CEP85L: variants seen among roughly 807,000 people sequenced by gnomAD.
CEP85L encodes the protein centrosomal protein of 85 kDa-like.
Under a neutral mutation model 100.3 loss-of-function variants are expected in CEP85L, and 60 were observed. The ratio of observed to expected loss-of-function variants is 0.60; its 90% CI spans 0.49 to 0.74. CEP85L has a LOEUF of 0.74. CEP85L is among the 30% of genes least tolerant of loss of function. CEP85L has a pLI of 0.00. For missense variants in CEP85L, 973 were observed against 936.2 expected, an observed-to-expected ratio of 1.04 and a Z score of -0.51; for synonymous variants, 319 against 322.7, an observed-to-expected ratio of 0.99 and a Z score of 0.12.
At chr6:118,517,061 G>GT (rs1304560484) in intron 4 of CEP85L, among the ~76,000 whole-genome samples, 9 of 152,262 alleles carry the variant, frequency 5.9e-5, no homozygotes, top group Non-Finnish European at 4.4e-5. Flanking sequence ...GGTTGCAGGT[G>GT]TATGATGTTA....
intron 1 of CEP85L, 139 bp downstream of exon 1, chr6:118,651,058 G>T: frequency 1.5e-6 from 2 of 1,291,190 alleles, no homozygotes; most frequent in Non-Finnish European, 2.0e-6. Context: ...CAGCGGGGAG[G>T]ACACTGGGCA....
intron 1 of CEP85L, among the ~76,000 whole-genome samples, chr6:118,709,477 G>A (rs1777711055): frequency 6.7e-6 from 1 of 149,444 alleles, no homozygotes; most frequent in Admixed American, 6.7e-5. Context: ...AGCAGCTAGA[G>A]CTCCTCTCCC....
At chr6:118,636,518 C>T (rs1200359638) in intron 1 of CEP85L, among the ~76,000 whole-genome samples, 1 of 152,180 alleles carries the variant, frequency 6.6e-6, no homozygotes, top group East Asian at 1.9e-4. Context: ...CTTGACTGGA[C>T]CATGGGGTGC....
chr6:118,495,201 G>A (rs13219555), intron 5 of CEP85L, among the ~76,000 whole-genome samples: 72,142 of 151,804 alleles, frequency 0.48, 17,527 homozygotes, highest in Middle Eastern at 0.58. Flanking sequence ...GGTTAATGCT[G>A]GAATGAGTTA....
intron 1 of CEP85L, among the ~76,000 whole-genome samples, chr6:118,676,005 A>T (rs1776470149): frequency 6.6e-6 from 1 of 152,216 alleles, no homozygotes; most frequent in Non-Finnish European, 1.5e-5. Context: ...GTTAAGATCC[A>T]ATCAGGTGAA....
intron 3 of CEP85L, among the ~76,000 whole-genome samples, chr6:118,532,359 G>T (rs1293091831): frequency 2.6e-5 from 4 of 152,022 alleles, no homozygotes; most frequent in Non-Finnish European, 5.9e-5. Context: ...TACTTGATGA[G>T]GGGGGCGGGT....
At chr6:118,677,586 T>G (rs1409717072) in intron 1 of CEP85L, among the ~76,000 whole-genome samples, 1 of 152,222 alleles carries the variant, frequency 6.6e-6, no homozygotes, top group Non-Finnish European at 1.5e-5. Context: ...CAATACATGT[T>G]TTCCACTGTC....
At chr6:118,599,363 T>G (rs945798204) in intron 2 of CEP85L, among the ~76,000 whole-genome samples, 10 of 151,816 alleles carry the variant, frequency 6.6e-5, no homozygotes, top group Non-Finnish European at 1.5e-4. Flanking sequence ...ATGGCAAAAT[T>G]TGAACAACAA....
chr6:118,602,257 A>C (rs994593164), intron 2 of CEP85L, among the ~76,000 whole-genome samples: 1 of 152,204 alleles, frequency 6.6e-6, no homozygotes, highest in Non-Finnish European at 1.5e-5. Context: ...TTTCAACAGA[A>C]GGTAAATGTT....
At position 118,566,463 on chromosome 6, in the gene CEP85L, G is replaced by A. The variant is rs1261548037; in HGVS notation, c.233-147C>T. 2.6e-5 allele frequency: 19 copies of A among 720,198 alleles called. No individual in the cohort carries two copies. The East Asian group carries it at 5.1e-4, about 19-fold the overall frequency. The allele number at this position is 720,198 out of a possible 1,614,324, so 44.6% of individuals were successfully genotyped here. On this transcript the variant is annotated intron_variant, in intron 2 of 12. Coordinates refer to ENST00000368491, the MANE Select transcript of CEP85L (RefSeq NM_001042475.3). ...GACGTAGTTTTAGCTTGTTGCCTAG[G>A]CTGGAGTGCAGTGGCAAGATCTCGG...
At chr6:118,474,790 A>G (rs1773226656) in intron 10 of CEP85L, among the ~76,000 whole-genome samples, 1 of 152,188 alleles carries the variant, frequency 6.6e-6, no homozygotes, top group South Asian at 2.1e-4. Flanking sequence ...CAGTGTGATG[A>G]CAAAGCCTTA....
chr6:118,617,390 A>G (rs1465573000), intron 2 of CEP85L, among the ~76,000 whole-genome samples: 1 of 152,204 alleles, frequency 6.6e-6, no homozygotes, highest in African/African-American at 2.4e-5. Context: ...GGCCTTATCT[A>G]TCCTCCCAAT....
At chr6:118,618,174 G>T (rs187132303) in intron 2 of CEP85L, among the ~76,000 whole-genome samples, 43 of 152,284 alleles carry the variant, frequency 2.8e-4, no homozygotes, top group African/African-American at 1.0e-3. Flanking sequence ...CACAGCATGG[G>T]TTACTAAGCG....
chr6:118,596,834 AT>A (rs1781480940), intron 2 of CEP85L, among the ~76,000 whole-genome samples: 1 of 152,064 alleles, frequency 6.6e-6, no homozygotes. Flanking sequence ...TCTTATTTTT[AT>A]CCACCATTCC....
At chr6:118,496,512 G>C (rs184240742) in intron 5 of CEP85L, among the ~76,000 whole-genome samples, 17 of 152,158 alleles carry the variant, frequency 1.1e-4, no homozygotes, top group African/African-American at 4.1e-4. Flanking sequence ...GCGCCACCAA[G>C]CCCGGCTAAT....
chr6:118,483,391 G>A (rs964571804), intron 7 of CEP85L, among the ~76,000 whole-genome samples: 1 of 152,124 alleles, frequency 6.6e-6, no homozygotes, highest in African/African-American at 2.4e-5. Context: ...GAATCCTAGA[G>A]ACTGTGTTGG....
At chr6:118,688,089 G>A (rs1376962504) in intron 1 of CEP85L, among the ~76,000 whole-genome samples, 1 of 152,052 alleles carries the variant, frequency 6.6e-6, no homozygotes, top group Non-Finnish European at 1.5e-5. Flanking sequence ...GCGGCCCGTC[G>A]CCATCTTGGA....
At chr6:118,483,896 G>A in intron 6 of CEP85L, 38 bp from the exon 7 acceptor site, 1 of 1,581,150 alleles carries the variant, frequency 6.3e-7, no homozygotes, top group Non-Finnish European at 8.6e-7. Context: ...GTAGTTTTCA[G>A]TCATTAAAAG....
intron 3 of CEP85L, chr6:118,559,049 T>G: frequency 1.2e-6 from 2 of 1,611,786 alleles, no homozygotes; most frequent in Non-Finnish European, 1.7e-6. Context: ...ATATGTCTCT[T>G]GCTGATCTGT....
Sources: gnomAD v4.1 joint callset for allele counts (sites outside exome capture counted in the v4.1 genomes callset) on GRCh38, gnomAD v4.1.1 for gene constraint, MANE v1.5 for transcripts, NCBI Gene and HGNC (gene_info 2026-07-23, HGNC 2026-07-21) for gene names.